Variants in SLC16A5 observed in about 807,000 individuals in gnomAD.
SLC16A5 encodes solute carrier family 16 member 5, also known as monocarboxylate transporter 6.
In SLC16A5, 29 loss-of-function variants were observed where a neutral mutation model predicts 33.2. The observed-to-expected ratio is 0.87, with a 90% CI of 0.65 to 1.19. The LOEUF (loss-of-function observed/expected upper bound fraction) is 1.19. Among genes scored for constraint, SLC16A5 ranks in the 50% most tolerant of loss-of-function variants. The pLI is 0.00. For missense variants in SLC16A5, 606 were observed against 678.2 expected, an observed-to-expected ratio of 0.89 and a Z score of 1.18; for synonymous variants, 248 against 284.1, an observed-to-expected ratio of 0.87 and a Z score of 1.28.
At chr17:75,093,054 G>T (rs933820406) in intron 2 of SLC16A5, among the ~76,000 whole-genome samples, 1 of 152,008 alleles carries the variant, frequency 6.6e-6, no homozygotes. Context: ...GCTGCTCCTA[G>T]CACCGGCCTG....
downstream of SLC16A5, among the ~76,000 whole-genome samples, chr17:75,106,665 T>C (rs7212981): frequency 0.64 from 95,838 of 148,900 alleles, 31,196 homozygotes; most frequent in Non-Finnish European, 0.69. Context: ...GAGGCCAAGA[T>C]GGGTGGGTCA....
chr17:75,095,872 G>A (rs180776276), intron 3 of SLC16A5, among the ~76,000 whole-genome samples: 3 of 151,862 alleles, frequency 2.0e-5, no homozygotes, highest in African/African-American at 7.3e-5. Context: ...TGTTAGCCAG[G>A]ATGGTCTCGA....
Position 75,104,389 on chromosome 17 carries a change from G to T in SLC16A5, c.1364+209G>T, listed in dbSNP as rs2073837789. The T allele has an allele frequency of 2.9e-6, 4 of 1,396,004 alleles. No individual in the cohort carries two copies. The Admixed American group carries it at 1.3e-4, about 44-fold the overall frequency. The allele number at this position is 1,396,004 out of a possible 1,614,324, so 86.5% of individuals were successfully genotyped here. ...GCCAGGAGCTGGGACTTTGGAGGCT[G>T]GCCTCTGAAGATGCCCTGAGAAACT... On this transcript the variant is annotated intron_variant, in intron 6 of 6. Transcript: ENST00000329783.
downstream of SLC16A5, among the ~76,000 whole-genome samples, chr17:75,107,805 C>T (rs535840998): frequency 9.7e-4 from 147 of 152,192 alleles, 1 homozygote; most frequent in African/African-American, 3.3e-3. Context: ...GGCGTCGTGG[C>T]GGGTGCCTGT....
Position 75,093,718 on chromosome 17 carries a change from C to T in SLC16A5, c.82C>T (p.Leu28=). The T allele has an allele frequency of 6.2e-7, 1 of 1,614,022 alleles. No homozygotes were observed. The highest frequency in any genetic ancestry group is 8.5e-7 in the Non-Finnish European group (1 of 1,179,954). The change falls in exon 3 of 7, where the codon CTG becomes TTG. Residue 28 remains leucine (L), a synonymous_variant. Transcript: ENST00000329783. ...CACCATGGTGACCCAGGGCCTCACC[C>T]TGGGCTTCCCCACGTGTATCGGCAT... ...LATMVTQGLT[L]GFPTCIGIFF...
chr17:75,088,343 G>T (rs928508101), intron 1 of SLC16A5, among the ~76,000 whole-genome samples: 5 of 152,240 alleles, frequency 3.3e-5, no homozygotes, highest in Admixed American at 3.3e-4. Flanking sequence ...GGGAGGGACA[G>T]CGGAGTGGAA....
intron 4 of SLC16A5, among the ~76,000 whole-genome samples, chr17:75,098,394 C>T (rs1397570650): frequency 3.9e-5 from 6 of 151,974 alleles, no homozygotes; most frequent in Non-Finnish European, 7.4e-5. Flanking sequence ...GAAACCCTGT[C>T]TATACTAAAA....
intron 5 of SLC16A5, among the ~76,000 whole-genome samples, chr17:75,103,356 G>C (rs766860705): frequency 1.4e-5 from 2 of 141,536 alleles, no homozygotes; most frequent in Non-Finnish European, 1.5e-5. Flanking sequence ...TTTTAATGGA[G>C]TCTCACTCTG....
At chr17:75,093,983 C>T in intron 3 of SLC16A5, 148 bp downstream of exon 3, 2 of 1,243,678 alleles carry the variant, frequency 1.6e-6, no homozygotes, top group South Asian at 1.5e-5. Context: ...TCACCAGGGG[C>T]CCCTGGCTGG....
At chr17:75,093,887 G>A (rs1233266627) in intron 3 of SLC16A5, 52 bp downstream of exon 3, 5 of 1,575,896 alleles carry the variant, frequency 3.2e-6, no homozygotes. Context: ...TTGCGGGGAA[G>A]CCACAACCTC....
intron 2 of SLC16A5, 58 bp from the exon 3 acceptor site, chr17:75,093,531 G>A (rs564110529): frequency 2.6e-6 from 4 of 1,539,254 alleles, no homozygotes; most frequent in East Asian, 4.9e-5. Context: ...GGTGGCAGGT[G>A]GGCCAGGAGA....
At chr17:75,089,810 T>C (rs2073614593) in intron 2 of SLC16A5, 1 of 145,576 alleles carries the variant, frequency 6.9e-6, no homozygotes, top group African/African-American at 2.6e-5. Flanking sequence ...CAGCCCAGCC[T>C]GGGGTGGGAG....
chr17:75,099,043 G>A (rs779892256), intron 4 of SLC16A5, among the ~76,000 whole-genome samples: 3 of 152,180 alleles, frequency 2.0e-5, no homozygotes, highest in Non-Finnish European at 4.4e-5. Flanking sequence ...ACACATGATT[G>A]AGAACTTTTT....
intron 5 of SLC16A5, among the ~76,000 whole-genome samples, chr17:75,101,835 A>G (rs2073803819): frequency 6.6e-6 from 1 of 151,714 alleles, no homozygotes; most frequent in African/African-American, 2.4e-5. Flanking sequence ...GGGTTTCACC[A>G]TGTTGCTCAG....
At chr17:75,108,208 C>A (rs1330334135), downstream of SLC16A5, among the ~76,000 whole-genome samples, 2 of 152,162 alleles carry the variant, frequency 1.3e-5, no homozygotes, top group Non-Finnish European at 2.9e-5. Context: ...AGGTCTGGGG[C>A]AGTTCCTGGG....
chr17:75,092,425 C>G (rs1358592168), intron 2 of SLC16A5, among the ~76,000 whole-genome samples: 3 of 150,532 alleles, frequency 2.0e-5, no homozygotes, highest in Non-Finnish European at 4.4e-5. Flanking sequence ...GGCACGATCT[C>G]AGCTCACTGC....
intron 3 of SLC16A5, among the ~76,000 whole-genome samples, chr17:75,094,185 GTC>G (rs1270673275): frequency 4.6e-5 from 7 of 152,366 alleles, no homozygotes; most frequent in Admixed American, 3.9e-4. Flanking sequence ...CAGCTGGCTG[GTC>G]TCTCTGAACC....
intron 2 of SLC16A5, among the ~76,000 whole-genome samples, chr17:75,092,480 C>A (rs2073652932): frequency 6.6e-6 from 1 of 151,986 alleles, no homozygotes; most frequent in South Asian, 2.1e-4. Context: ...CCTCAGCCTC[C>A]CGAGTAGCTG....
intron 2 of SLC16A5, among the ~76,000 whole-genome samples, chr17:75,090,871 G>A (rs11658337): frequency 0.27 from 41,023 of 152,118 alleles, 6,809 homozygotes; most frequent in Middle Eastern, 0.42. Context: ...GAAAGGTTCC[G>A]GAGGGAAGGT....
Sources: gnomAD v4.1 joint callset for allele counts (sites outside exome capture counted in the v4.1 genomes callset) on GRCh38, gnomAD v4.1.1 for gene constraint, MANE v1.5 for transcripts, NCBI Gene and HGNC (gene_info 2026-07-23, HGNC 2026-07-21) for gene names.